The following COL20A1 variants were observed in gnomAD, a reference collection of about 807,000 sequenced individuals.
COL20A1 encodes the protein collagen type XX alpha 1 chain.
COL20A1 carries 164 observed loss-of-function variants against 152.9 expected under a neutral mutation model. The ratio of observed to expected loss-of-function variants is 1.07; its 90% CI spans 0.94 to 1.22. The LOEUF is 1.22. Among genes scored for constraint, COL20A1 ranks in the 50% most tolerant of loss-of-function variants. COL20A1 has a pLI of 0.00. For missense variants in COL20A1, 1,873 were observed against 1,744.8 expected, an observed-to-expected ratio of 1.07 and a Z score of -1.31; for synonymous variants, 864 against 756.0, an observed-to-expected ratio of 1.14 and a Z score of -2.34.
intron 34 of COL20A1, among the ~76,000 whole-genome samples, chr20:63,328,982 T>C (rs1568791912): frequency 6.6e-6 from 1 of 152,006 alleles, no homozygotes. Flanking sequence ...ACTTGGACGC[T>C]GAGATGGAGG....
intron 30 of COL20A1, 48 bp downstream of exon 30, chr20:63,326,197 G>C: frequency 6.7e-7 from 1 of 1,488,278 alleles, no homozygotes; most frequent in Non-Finnish European, 9.4e-7. Flanking sequence ...GGGTTCCTGT[G>C]TTCCAGGGGT....
rs1301716862 is a variant in COL20A1 at position 63,309,385 on chromosome 20, G to A, written c.993G>A (p.Arg331=). 1.9e-6 allele frequency: 3 copies of A among 1,553,300 alleles called. No individual in the cohort carries two copies. Among genetic ancestry groups the A allele is most frequent in the Non-Finnish European group, 2.6e-6 (3 of 1,146,204 alleles). The change falls in exon 9 of 36, where the codon AGG becomes AGA. Residue 331 remains arginine, a synonymous_variant. Coordinates refer to ENST00000358894, the MANE Select transcript of COL20A1 (RefSeq NM_020882.4). ...AELRLLASPP[R]DITVHSVLDF... ...TGAGGCTCCTGGCGTCCCCGCCGAG[G>A]GACATCACCGTCCACAGCGTGCTGG...
Position 63,306,004 on chromosome 20 carries a change from T to C in COL20A1, c.461T>C (p.Val154Ala), listed in dbSNP as rs200460257. 7.4e-6 allele frequency: 12 copies of C among 1,612,704 alleles called. No homozygotes were observed. In the Admixed American group the frequency reaches 1.7e-4, roughly 22 times the overall value. ...PDPEQASEPQ[V>A]AFTPSQDPRT... ...CCTGAGCAGGCTTCTGAGCCCCAAG[T>C]TGCCTTCACACCAAGCCAGGATCCG... Residue 154 changes from valine to alanine, a missense_variant, in exon 5 of 36, where the codon GTT becomes GCT. By Grantham distance (64) the Val-to-Ala change is moderately conservative (BLOSUM62 0). Transcript: ENST00000358894. This position sits in a 1 kb window ranked among gnomAD's most constrained non-coding sequence, Gnocchi z 6.9.
At position 63,314,092 on chromosome 20, in the gene COL20A1, G is replaced by GC. The variant is rs1168600094; in HGVS notation, c.2379_2380insC (p.Ser794GlnfsTer28). ...CCTAGGTCTCTGTGCCAGGAGCCAG[G>GC]AGCCACGTGACACTGCCCGACCTGC... On this transcript the variant is annotated frameshift_variant, in exon 19 of 36. Transcript: ENST00000358894. LOFTEE classifies it high-confidence loss of function. The GC allele has an allele frequency of 3.1e-6, 5 of 1,612,828 alleles. No individual in the cohort carries two copies. Among genetic ancestry groups the GC allele is most frequent in the Middle Eastern group, 3.3e-4 (2 of 6,040 alleles).
rs747063831 is a variant in COL20A1, at chr20:63,319,114, T to C, written c.2720T>C (p.Leu907Pro). 9 of 1,611,474 alleles carry C rather than the reference T, an allele frequency of 5.6e-6. No individual in the cohort carries two copies. The Admixed American group carries it at 1.5e-4, about 27-fold the overall frequency. The stretch of plus-strand genomic sequence containing the variant: ...CACACCATCGTCTTCCTTGTGCGCC[T>C]ACTTCCCGAGACACCCCGTGAGGCC... ...PEHTIVFLVR[L>P]LPETPREAFA... is the part of the protein sequence containing the mutation. The change falls in exon 22 of 36, where the codon CTA becomes CCA. Residue 907 changes from leucine (L) to proline (P), a missense_variant. Leu to Pro is a moderately conservative substitution (Grantham distance 98). Coordinates refer to ENST00000358894, the MANE Select transcript of COL20A1 (RefSeq NM_020882.4). This position sits in a 1 kb window ranked among gnomAD's most constrained non-coding sequence, Gnocchi z 4.4.
intron 26 of COL20A1, among the ~76,000 whole-genome samples, chr20:63,321,750 G>A (rs773641345): frequency 2.6e-5 from 4 of 152,290 alleles, no homozygotes; most frequent in Non-Finnish European, 4.4e-5. Context: ...CACAGGTGAC[G>A]GCTGGGGCTT....
At position 63,313,871 on chromosome 20, in the gene COL20A1, G is replaced by C. The variant is rs771337631; in HGVS notation, c.2338G>C (p.Gly780Arg). The C allele has an allele frequency of 1.2e-6, 2 of 1,606,088 alleles. No individual in the cohort carries two copies. The highest frequency in any genetic ancestry group is 2.2e-5 in the South Asian group (2 of 90,100). The stretch of plus-strand genomic sequence containing the variant: ...CTGGCTCACCTACGCCCCCGCCTCT[G>C]GCTTGGGACCCGAGAAATCCGTGAG... ...HYWLTYAPAS[G>R]LGPEKSVSVP... The change falls in exon 18 of 36, where the codon GGC becomes CGC. Residue 780 changes from glycine (G) to arginine (R), a missense_variant. Transcript: ENST00000358894. The surrounding 1 kb of genome is among the most constrained non-coding windows in gnomAD (Gnocchi z 5.9).
Position 63,311,913 on chromosome 20 carries a change from C to T in COL20A1, c.1664-3C>T. The stretch of plus-strand genomic sequence containing the variant: ...GGCCTTGAGGCTCTGCTGTGCTTTG[C>T]AGCCACCCTGGCCCCCCCGAGACAC... On this transcript the variant is annotated splice_region_variant and splice_polypyrimidine_tract_variant and intron_variant, in intron 13 of 35. Transcript: ENST00000358894. This position sits in a 1 kb window ranked among gnomAD's most constrained non-coding sequence, Gnocchi z 4.4. The T allele has an allele frequency of 6.5e-7, 1 of 1,542,376 alleles. No individual in the cohort carries two copies. The highest frequency in any genetic ancestry group is 1.2e-5 in the South Asian group (1 of 83,040).
chr20:63,308,355 A>G (rs2067957710), intron 7 of COL20A1, among the ~76,000 whole-genome samples, 187 bp from the exon 8 acceptor site: 1 of 152,220 alleles, frequency 6.6e-6, no homozygotes, highest in South Asian at 2.1e-4. Flanking sequence ...CCTTGCAGGT[A>G]GGGTCTGGCT....
Position 63,306,182 on chromosome 20 carries a change from G to A in COL20A1, c.496+143G>A, listed in dbSNP as rs1053301294. On this transcript the variant is annotated intron_variant, in intron 5 of 35. Transcript: ENST00000358894. The surrounding 1 kb of genome is among the most constrained non-coding windows in gnomAD (Gnocchi z 6.9). ...ACGAGGCCAGGAAGTTCTTCCTCGT[G>A]TCTGACCACACGGTCTCTGACCACG... 4 of 645,806 alleles carry A rather than the reference G, an allele frequency of 6.2e-6. No homozygotes were observed. Among genetic ancestry groups the A allele is most frequent in the Admixed American group, 6.3e-5 (2 of 31,684 alleles). The allele number at this position is 645,806 out of a possible 1,614,324, so 40.0% of individuals were successfully genotyped here.
In COL20A1 at chr20:63,312,774, T is replaced by C. The variant is rs375852141; in HGVS notation, c.1934-18T>C. The C allele has an allele frequency of 2.6e-6, 4 of 1,533,486 alleles. No homozygotes were observed. In the African/African-American group the frequency reaches 5.5e-5, roughly 21 times the overall value. The allele number at this position is 1,533,486 out of a possible 1,614,324, so 95.0% of individuals were successfully genotyped here. ...GCTCAGGGGCTACACCCCCAGCCTG[T>C]GTCTCCACTTCCTTCAGAGAAAGCT... On this transcript the variant is annotated intron_variant, in intron 15 of 35. Coordinates refer to ENST00000358894, the MANE Select transcript of COL20A1 (RefSeq NM_020882.4).
In COL20A1 at chr20:63,334,078, G is replaced by T. The variant is rs1798733283; in HGVS notation, c.*3362G>T. ...TGGTAAGTACAGAACTCCTTGCCCA[G>T]TGGAGAAACACTCTCCTCTCATGTG... is the stretch of plus-strand genomic sequence containing the variant. On this transcript the variant is annotated 3_prime_UTR_variant, in exon 36 of 36. Coordinates refer to ENST00000358894, the MANE Select transcript of COL20A1 (RefSeq NM_020882.4). 1 of 152,214 alleles carries T rather than the reference G, an allele frequency of 6.6e-6. No homozygotes were observed. The highest frequency in any genetic ancestry group is 1.5e-5 in the Non-Finnish European group (1 of 68,044). The allele number at this position is 152,214 out of a possible 1,614,324, so 9.4% of individuals were successfully genotyped here.
chr20:63,321,083 G>T lies in COL20A1; in HGVS notation c.3224G>T (p.Gly1075Val). ...SCSSETPGPP[G>V]PQGPPGLPGR... ...TCCTCAGAGACCCCTGGGCCCCCAG[G>T]ACCTCAAGGACCCCCAGTGAGTCCA... The change falls in exon 26 of 36, where the codon GGA becomes GTA. Residue 1075 changes from glycine to valine, a missense_variant. Transcript: ENST00000358894. The T allele has an allele frequency of 6.3e-7, 1 of 1,598,190 alleles. No individual in the cohort carries two copies. The highest frequency in any genetic ancestry group is 8.5e-7 in the Non-Finnish European group (1 of 1,172,838).
rs969469669 is a variant in COL20A1 at position 63,315,324 on chromosome 20, A to G, written c.2489-80A>G. 3.7e-6 allele frequency: 5 copies of G among 1,350,490 alleles called. No homozygotes were observed. The African/African-American group carries it at 5.8e-5, about 16-fold the overall frequency. 83.7% of individuals were successfully genotyped at this position (1,350,490 alleles called of 1,614,324 possible). On this transcript the variant is annotated intron_variant, in intron 19 of 35. Coordinates refer to ENST00000358894, the MANE Select transcript of COL20A1 (RefSeq NM_020882.4). ...GCACAGGCTGGGGCATCGTCCATGA[A>G]GTGGCCCCTCCCCAGCGGTCTGTCA...
chr20:63,312,417 C>T lies in COL20A1; in HGVS notation c.1804-3C>T, dbSNP rs767946141. ...TGCCATGTCGCCCTCCCACCTGCTG[C>T]AGACAGAGGCTCCTGGGAACGCCAC... On this transcript the variant is annotated splice_region_variant and splice_polypyrimidine_tract_variant and intron_variant, in intron 14 of 35. Coordinates refer to ENST00000358894, the MANE Select transcript of COL20A1 (RefSeq NM_020882.4). 1.3e-6 allele frequency: 2 copies of T among 1,580,380 alleles called. No individual in the cohort carries two copies. Among genetic ancestry groups the T allele is most frequent in the South Asian group, 1.2e-5 (1 of 86,462 alleles).
intron 29 of COL20A1, 56 bp downstream of exon 29, chr20:63,325,777 CG>C: frequency 4.6e-6 from 7 of 1,509,826 alleles, no homozygotes; most frequent in African/African-American, 1.4e-5. Flanking sequence ...GGCCTGGGGA[CG>C]GGGGGCCTTG....
chr20:63,310,500 G>T lies in COL20A1; in HGVS notation c.1383G>T (p.Leu461=). Reference sequence around the variant, plus strand: ...GGGTTGGCGAAGGCCTGCGGGGCCTGGTGACCACAGGTAGGTGGGGCAGAG... The same window carrying T: ...GGGTTGGCGAAGGCCTGCGGGGCCTTGTGACCACAGGTAGGTGGGGCAGAG... The part of the protein sequence containing the change: ...EGGVGEGLRG[L]VTTAPLPPPR... Residue 461 remains leucine, a synonymous_variant, in exon 11 of 36, where the codon CTG becomes CTT. Transcript: ENST00000358894. 1 of 1,597,102 alleles carries T rather than the reference G, an allele frequency of 6.3e-7. No homozygotes were observed. The highest frequency in any genetic ancestry group is 2.3e-5 in the East Asian group (1 of 44,116).
Position 63,311,498 on chromosome 20 carries a change from T to C in COL20A1, c.1498T>C (p.Cys500Arg), listed in dbSNP as rs2068004746. The C allele has an allele frequency of 1.3e-6, 2 of 1,584,252 alleles. No homozygotes were observed. The highest frequency in any genetic ancestry group is 1.3e-5 in the African/African-American group (1 of 74,716). The change falls in exon 12 of 36, where the codon TGT (cysteine) becomes CGT (arginine). Residue 500 changes from cysteine to arginine, a missense_variant. Coordinates refer to ENST00000358894, the MANE Select transcript of COL20A1 (RefSeq NM_020882.4). This position sits in a 1 kb window ranked among gnomAD's most constrained non-coding sequence, Gnocchi z 4.4. Reference sequence around the variant, plus strand: ...CGGGGCCACCCACTACCTGGTGCGATGTTCTCCTGCTTCCCCCAAGGGTGA... The same window carrying C: ...CGGGGCCACCCACTACCTGGTGCGACGTTCTCCTGCTTCCCCCAAGGGTGA... ...SAGATHYLVRCSPASPKGEEE... is the reference protein window; with the variant it reads ...SAGATHYLVRRSPASPKGEEE...
Position 63,307,963 on chromosome 20 carries a change from C to T in COL20A1, c.656-8C>T, listed in dbSNP as rs1177718397. ...AACTCAGCCCGTGGCCATGCCCCTG[C>T]TCCCCAGGCCTGACTCAGTACAGCG... On this transcript the variant is annotated splice_region_variant and splice_polypyrimidine_tract_variant and intron_variant, in intron 6 of 35. Coordinates refer to ENST00000358894, the MANE Select transcript of COL20A1 (RefSeq NM_020882.4). 1 of 1,611,644 alleles carries T rather than the reference C, an allele frequency of 6.2e-7. No individual in the cohort carries two copies. Among genetic ancestry groups the T allele is most frequent in the Non-Finnish European group, 8.5e-7 (1 of 1,179,108 alleles).
Sources: gnomAD v4.1 joint callset for allele counts (sites outside exome capture counted in the v4.1 genomes callset) on GRCh38, gnomAD v4.1.1 for gene constraint, Gnocchi (gnomAD v3.1) non-coding constraint, MANE v1.5 for transcripts, NCBI Gene and HGNC (gene_info 2026-07-23, HGNC 2026-07-21) for gene names.